Variants in MIS18A observed in about 807,000 individuals in gnomAD.
MIS18A encodes protein Mis18-alpha.
MIS18A carries 14 observed loss-of-function variants against 25.0 expected under a neutral mutation model. The ratio of observed to expected loss-of-function variants is 0.56; its 90% CI spans 0.37 to 0.88. MIS18A has a LOEUF of 0.88. MIS18A is among the 40% of genes least tolerant of loss of function. The pLI is 0.00. For synonymous variants in MIS18A, 134 were observed against 118.6 expected, an observed-to-expected ratio of 1.13 and a Z score of -0.84; for missense variants, 292 against 290.8, an observed-to-expected ratio of 1.00 and a Z score of -0.03.
chr21:32,200,590 T>G, the MIS18A span, among the ~76,000 whole-genome samples: 2 of 152,070 alleles, frequency 1.3e-5, no homozygotes, highest in Admixed American at 6.6e-5. Flanking sequence ...TCTGCCACCA[T>G]GCTCGGCTAA....
At chr21:32,206,296 G>T in the MIS18A span, among the ~76,000 whole-genome samples, 1 of 152,160 alleles carries the variant, frequency 6.6e-6, no homozygotes, top group Non-Finnish European at 1.5e-5. Flanking sequence ...TGTATATTGG[G>T]TGAGGGGGGA....
the MIS18A span, among the ~76,000 whole-genome samples, chr21:32,198,614 G>C: frequency 6.6e-6 from 1 of 152,220 alleles, no homozygotes; most frequent in Admixed American, 6.5e-5. Flanking sequence ...GAGCCCAGCA[G>C]GGATACTCAC....
At chr21:32,205,971 A>G in the MIS18A span, among the ~76,000 whole-genome samples, 2 of 151,998 alleles carry the variant, frequency 1.3e-5, no homozygotes, top group Admixed American at 6.5e-5. Flanking sequence ...CTCACCTGCA[A>G]TTCTCTTGAT....
At chr21:32,264,688 T>TG (rs1372737513), downstream of MIS18A, among the ~76,000 whole-genome samples, 1 of 152,212 alleles carries the variant, frequency 6.6e-6, no homozygotes, top group Admixed American at 6.5e-5. Context: ...AAAAACAAGC[T>TG]GGGGGAAGCT....
At chr21:32,275,850 C>T (rs1186421482) in intron 1 of MIS18A, among the ~76,000 whole-genome samples, 1 of 152,118 alleles carries the variant, frequency 6.6e-6, no homozygotes, top group Non-Finnish European at 1.5e-5. Context: ...CTCCAGCCCC[C>T]AAACCACCAG....
the MIS18A span, among the ~76,000 whole-genome samples, chr21:32,235,635 A>G: frequency 6.6e-6 from 1 of 152,192 alleles, no homozygotes; most frequent in African/African-American, 2.4e-5. Context: ...AAAAGGAAAC[A>G]TCAACAAAGA....
chr21:32,194,855 A>C, the MIS18A span, among the ~76,000 whole-genome samples: 1 of 152,000 alleles, frequency 6.6e-6, no homozygotes, highest in South Asian at 2.1e-4. Context: ...ACACACAGAC[A>C]TACAGAGTGG....
the MIS18A span, among the ~76,000 whole-genome samples, chr21:32,173,124 G>A: frequency 6.6e-6 from 1 of 152,120 alleles, no homozygotes; most frequent in African/African-American, 2.4e-5. Context: ...CAAAATTAAA[G>A]TCTTTGGTGC....
chr21:32,195,636 T>C, the MIS18A span, among the ~76,000 whole-genome samples: 5 of 152,174 alleles, frequency 3.3e-5, no homozygotes, highest in South Asian at 2.1e-4. Flanking sequence ...ACAGGGGATA[T>C]TGTGAGTGTG....
downstream of MIS18A, among the ~76,000 whole-genome samples, chr21:32,263,752 A>G (rs886608490): frequency 5.3e-5 from 8 of 151,942 alleles, no homozygotes; most frequent in Non-Finnish European, 1.0e-4. Context: ...GTCAAACAGT[A>G]TAAAAGGAAT....
chr21:32,157,523 T>A, the MIS18A span, among the ~76,000 whole-genome samples: 1 of 152,000 alleles, frequency 6.6e-6, no homozygotes, highest in Non-Finnish European at 1.5e-5. Flanking sequence ...TAGTAAAGTT[T>A]TTTTTTGTTA....
At chr21:32,214,175 C>G in the MIS18A span, among the ~76,000 whole-genome samples, 1 of 152,188 alleles carries the variant, frequency 6.6e-6, no homozygotes, top group African/African-American at 2.4e-5. Flanking sequence ...CCACACCCCA[C>G]CTCTCTTCTC....
the MIS18A span, among the ~76,000 whole-genome samples, chr21:32,249,930 A>T: frequency 6.6e-6 from 1 of 152,178 alleles, no homozygotes; most frequent in Non-Finnish European, 1.5e-5. Flanking sequence ...GGGTGTTTTC[A>T]TGGAAGCCTC....
At chr21:32,270,262 C>CAAAA in intron 3 of MIS18A, 145 bp downstream of exon 3, 24 of 782,168 alleles carry the variant, frequency 3.1e-5, no homozygotes, top group South Asian at 7.6e-5. Context: ...GAGGTCAAAG[C>CAAAA]AAAAAAAAAA....
the MIS18A span, among the ~76,000 whole-genome samples, chr21:32,206,761 A>G: frequency 1.3e-5 from 2 of 152,142 alleles, no homozygotes; most frequent in African/African-American, 4.8e-5. Context: ...GAAAGCAGGA[A>G]ATGAGGTTAT....
the MIS18A span, among the ~76,000 whole-genome samples, chr21:32,173,813 G>T: frequency 6.6e-6 from 1 of 152,074 alleles, no homozygotes; most frequent in Non-Finnish European, 1.5e-5. Context: ...TCTTTTGGGA[G>T]TAGCAATGAA....
At chr21:32,259,387 C>T in the MIS18A span, among the ~76,000 whole-genome samples, 3 of 152,206 alleles carry the variant, frequency 2.0e-5, no homozygotes, top group South Asian at 4.1e-4. Flanking sequence ...ACTTTTCTTT[C>T]GCATCTTCAA....
the MIS18A span, among the ~76,000 whole-genome samples, chr21:32,214,253 G>C: frequency 7.2e-5 from 11 of 152,172 alleles, no homozygotes; most frequent in African/African-American, 2.7e-4. Flanking sequence ...GACATGAGAG[G>C]ATCCACCACA....
At chr21:32,224,077 T>A in the MIS18A span, among the ~76,000 whole-genome samples, 77,437 of 151,254 alleles carry the variant, frequency 0.51, 21,279 homozygotes, top group African/African-American at 0.73. Context: ...AAATTCAACT[T>A]CCCTTCATGC....
Sources: allele counts gnomAD v4.1 joint callset (sites outside exome capture counted in the v4.1 genomes callset), GRCh38; gene constraint gnomAD v4.1.1; transcripts MANE v1.5; gene names NCBI Gene and HGNC (gene_info 2026-07-23, HGNC 2026-07-21).